Variants in MCF2L2 observed in about 807,000 individuals in gnomAD.
The protein encoded by MCF2L2 is MCF.2 cell line derived transforming sequence-like 2, also known as probable guanine nucleotide exchange factor MCF2L2.
Under a neutral mutation model 150.2 loss-of-function variants are expected in MCF2L2, and 102 were observed. That is an observed-to-expected ratio of 0.68 (90% CI 0.58 to 0.80). The LOEUF (loss-of-function observed/expected upper bound fraction) is 0.80, where lower values mean the gene tolerates loss of function less well. MCF2L2 is among the 30% of genes least tolerant of loss of function. The pLI is 0.00. For missense variants in MCF2L2, 1,256 were observed against 1,372.8 expected (o/e 0.91, Z 1.34); for synonymous variants, 465 against 491.3 (o/e 0.95, Z 0.71).
intron 5 of MCF2L2, among the ~76,000 whole-genome samples, chr3:183,326,388 A>C (rs1167953614): frequency 6.8e-6 from 1 of 147,220 alleles, no homozygotes; most frequent in Non-Finnish European, 1.5e-5. Flanking sequence ...GCTGCTTGGG[A>C]GGCTGAGGCA....
chr3:183,345,073 C>T lies in MCF2L2; in HGVS notation c.276-3443G>A, dbSNP rs577040620. 9.3e-4 allele frequency among the ~76,000 whole-genome samples: 142 copies of T among 152,262 alleles called. 1 individual carries two copies. The highest frequency in any genetic ancestry group is 2.7e-3 in the African/African-American group (111 of 41,556). Reference sequence around the variant, plus strand: ...TCAGCTCTGGACCAAGCAGACCTAACAGACATCTACAGAACTCTCCACCCC... The same window carrying T: ...TCAGCTCTGGACCAAGCAGACCTAATAGACATCTACAGAACTCTCCACCCC... On this transcript the variant is annotated intron_variant, in intron 3 of 29. Coordinates refer to ENST00000328913, the MANE Select transcript of MCF2L2 (RefSeq NM_015078.4).
chr3:183,311,014 C>CTTTCAATAA lies in MCF2L2; in HGVS notation c.893_894insTTATTGAAA (p.Leu298_Asp299insTyrTer). ...GACTAAAGGCTTTTTCTGTTTCATCCAGTTGAACTAATAACCTTTCAAGAA... is the reference window on the plus strand; with the variant it reads ...GACTAAAGGCTTTTTCTGTTTCATCCTTTCAATAAAGTTGAACTAATAACCTTTCAAGAA... On this transcript the variant is annotated stop_gained and inframe_insertion, in exon 9 of 30. Transcript: ENST00000328913. LOFTEE classifies it high-confidence loss of function. The CTTTCAATAA allele has an allele frequency of 6.2e-7, 1 of 1,607,858 alleles. No homozygotes were observed. The highest frequency in any genetic ancestry group is 8.5e-7 in the Non-Finnish European group (1 of 1,174,446).
chr3:183,224,033 G>T, intron 19 of MCF2L2, 65 bp downstream of exon 19: 1 of 1,216,688 alleles, frequency 8.2e-7, no homozygotes, highest in South Asian at 1.2e-5. Flanking sequence ...TCCCACTTTT[G>T]ATTTCTTTAA....
chr3:183,321,656 A>G (rs901558152), intron 6 of MCF2L2, among the ~76,000 whole-genome samples: 2 of 152,216 alleles, frequency 1.3e-5, no homozygotes, highest in African/African-American at 4.8e-5. Flanking sequence ...TGTGAAGCAT[A>G]ATAAAATGAA....
chr3:183,254,805 G>T (rs933184223), intron 15 of MCF2L2: 3 of 152,286 alleles, frequency 2.0e-5, no homozygotes, highest in Admixed American at 2.0e-4. Context: ...GAAGTGGGCA[G>T]GCGGGGAGAC....
intron 27 of MCF2L2, among the ~76,000 whole-genome samples, chr3:183,190,794 C>G (rs536691325): frequency 6.6e-6 from 1 of 152,352 alleles, no homozygotes; most frequent in African/African-American, 2.4e-5. Flanking sequence ...ATGGGGCCAA[C>G]AGCCTATAAA....
chr3:183,420,644 GA>G (rs896587525), intron 1 of MCF2L2, among the ~76,000 whole-genome samples: 1 of 152,178 alleles, frequency 6.6e-6, no homozygotes. Flanking sequence ...ATTTATAAAG[GA>G]AAGAAGTTTA....
At chr3:183,408,402 C>T (rs541580433) in intron 1 of MCF2L2, among the ~76,000 whole-genome samples, 1 of 152,318 alleles carries the variant, frequency 6.6e-6, no homozygotes, top group East Asian at 1.9e-4. Flanking sequence ...TCCTTCATTC[C>T]TCCTGGCCCC....
At chr3:183,315,948 C>T (rs866674406) in intron 7 of MCF2L2, among the ~76,000 whole-genome samples, 2 of 152,250 alleles carry the variant, frequency 1.3e-5, no homozygotes, top group Non-Finnish European at 2.9e-5. Context: ...GACCTCTCCA[C>T]GCCCTTCTTG....
chr3:183,403,571 A>C (rs1714885231), intron 1 of MCF2L2, among the ~76,000 whole-genome samples: 1 of 152,192 alleles, frequency 6.6e-6, no homozygotes, highest in Non-Finnish European at 1.5e-5. Flanking sequence ...CATTTGGTGA[A>C]GGGGCTGGCA....
At position 183,297,060 on chromosome 3, in the gene MCF2L2, G is replaced by A. The variant is rs1171763741; in HGVS notation, c.1413C>T (p.Phe471=). The change falls in exon 12 of 30, where the codon TTC becomes TTT. Residue 471 remains phenylalanine, a synonymous_variant. Coordinates refer to ENST00000328913, the MANE Select transcript of MCF2L2 (RefSeq NM_015078.4). ...ACGGGTACTCCTTGACTGTGCCCAG[G>A]AATGTCGCAATGTCGTTCAAGGCGA... The part of the protein sequence containing the change: ...VDIALNDIAT[F]LGTVKEYPLL... 2 of 1,614,192 alleles carry A rather than the reference G, an allele frequency of 1.2e-6. No homozygotes were observed. The highest frequency in any genetic ancestry group is 3.3e-5 in the Admixed American group (2 of 60,022).
chr3:183,288,429 G>A (rs866878765), intron 14 of MCF2L2, among the ~76,000 whole-genome samples: 2 of 151,024 alleles, frequency 1.3e-5, no homozygotes, highest in Middle Eastern at 3.3e-3. Flanking sequence ...AGTTATTCAC[G>A]CACTTGTGTG....
chr3:183,290,317 T>C (rs909539255), intron 13 of MCF2L2, among the ~76,000 whole-genome samples: 1 of 152,142 alleles, frequency 6.6e-6, no homozygotes, highest in Non-Finnish European at 1.5e-5. Context: ...CCATGGCCAT[T>C]TGGTAGTAAA....
chr3:183,252,394 G>A lies in MCF2L2; in HGVS notation c.1863-21377C>T, dbSNP rs543956406. Among the ~76,000 whole-genome samples the A allele has an allele frequency of 3.3e-5, 5 of 152,302 alleles. No individual in the cohort carries two copies. The East Asian group carries it at 9.6e-4, about 29-fold the overall frequency. Reference sequence around the variant, plus strand: ...CACAGTCTGGGAGATGCTGAGCCATGCCCTGTGTAGGCAGCATATGAAAAG... The same window carrying A: ...CACAGTCTGGGAGATGCTGAGCCATACCCTGTGTAGGCAGCATATGAAAAG... On this transcript the variant is annotated intron_variant, in intron 15 of 29. Coordinates refer to ENST00000328913, the MANE Select transcript of MCF2L2 (RefSeq NM_015078.4).
intron 5 of MCF2L2, among the ~76,000 whole-genome samples, chr3:183,324,921 T>G (rs1033397574): frequency 6.6e-6 from 1 of 151,558 alleles, no homozygotes; most frequent in East Asian, 1.9e-4. Context: ...CACATATACA[T>G]CATGGAATAC....
At position 183,383,210 on chromosome 3, in the gene MCF2L2, ATATTTATTTATTTATTT is replaced by A. The variant is rs1319862393; in HGVS notation, c.161-3816_161-3800del. Among the ~76,000 whole-genome samples, 15 of 121,450 alleles carry A rather than the reference ATATTTATTTATTTATTT, an allele frequency of 1.2e-4. No homozygotes were observed. In the East Asian group the frequency reaches 1.4e-3, roughly 11 times the overall value. The allele number at this position is 121,450 out of a possible 152,430, so 79.7% of individuals were successfully genotyped here. ...TTACAAATAATCATAAAGAATTTTTATATTTATTTATTTATTTTATTTATTTATTTATTTATTTTTTG... is the reference window on the plus strand; with the variant it reads ...TTACAAATAATCATAAAGAATTTTTATATTTATTTATTTATTTATTTTTTG... On this transcript the variant is annotated intron_variant, in intron 2 of 29. Coordinates refer to ENST00000328913, the MANE Select transcript of MCF2L2 (RefSeq NM_015078.4).
At chr3:183,311,815 A>G in intron 7 of MCF2L2, 43 bp from the exon 8 acceptor site, 2 of 1,583,048 alleles carry the variant, frequency 1.3e-6, no homozygotes, top group Non-Finnish European at 1.7e-6. Flanking sequence ...ATTAGAAAAA[A>G]CAAATTCTTG....
At chr3:183,244,312 C>T (rs1724157841) in intron 15 of MCF2L2, among the ~76,000 whole-genome samples, 1 of 151,972 alleles carries the variant, frequency 6.6e-6, no homozygotes. Context: ...CTTTTGGACT[C>T]TTGGACTTAC....
chr3:183,345,026 CA>C (rs536424424), intron 3 of MCF2L2, among the ~76,000 whole-genome samples: 178 of 152,164 alleles, frequency 1.2e-3, no homozygotes, highest in Middle Eastern at 3.4e-3. Context: ...AGAAAATTAA[CA>C]AGGATATTCA....
Sources: gnomAD v4.1 joint callset for allele counts (sites outside exome capture counted in the v4.1 genomes callset) on GRCh38, gnomAD v4.1.1 for gene constraint, MANE v1.5 for transcripts, NCBI Gene and HGNC (gene_info 2026-07-23, HGNC 2026-07-21) for gene names.